TCHP: variants seen among roughly 807,000 people sequenced by gnomAD.
The protein encoded by TCHP is trichoplein keratin filament-binding protein.
Under a neutral mutation model 88.7 loss-of-function variants are expected in TCHP, and 81 were observed. The ratio of observed to expected loss-of-function variants is 0.91; its 90% CI spans 0.76 to 1.10. The LOEUF (loss-of-function observed/expected upper bound fraction) is 1.10. TCHP is among the 50% of genes least tolerant of loss of function. The pLI, the probability that TCHP is intolerant of heterozygous loss-of-function variation, is 0.00. For synonymous variants in TCHP, 232 were observed against 232.5 expected, an observed-to-expected ratio of 1.00 and a Z score of 0.02; for missense variants, 641 against 632.1, an observed-to-expected ratio of 1.01 and a Z score of -0.15.
the TCHP span, among the ~76,000 whole-genome samples, chr12:109,883,465 C>T: frequency 6.6e-6 from 1 of 152,154 alleles, no homozygotes; most frequent in African/African-American, 2.4e-5. Flanking sequence ...TACCCAGACC[C>T]TGACATGCTC....
At chr12:109,906,797 T>A (rs1202046792) in intron 5 of TCHP, among the ~76,000 whole-genome samples, 157 bp downstream of exon 5, 1 of 152,232 alleles carries the variant, frequency 6.6e-6, no homozygotes, top group Non-Finnish European at 1.5e-5. Context: ...ACTGAATGTT[T>A]GCTCTTACAT....
rs1565914828 is a variant in TCHP at position 109,915,531 on chromosome 12, G to T, written c.1449G>T (p.Gln483His). 6.2e-7 allele frequency: 1 copy of T among 1,613,632 alleles called. No individual in the cohort carries two copies. Among genetic ancestry groups the T allele is most frequent in the Admixed American group, 1.7e-5 (1 of 59,988 alleles). ...LQQEAETMAE[Q>H]GYRPKPYGHP... is the part of the protein sequence containing the mutation. Reference sequence around the variant, plus strand: ...AGGAGGCGGAGACTATGGCTGAGCAGGGCTACCGGCCTAAGGTAGGAAGTC... The same window carrying T: ...AGGAGGCGGAGACTATGGCTGAGCATGGCTACCGGCCTAAGGTAGGAAGTC... Residue 483 changes from glutamine to histidine, a missense_variant, in exon 12 of 13, where the codon CAG (glutamine) becomes CAT (histidine). Coordinates refer to ENST00000405876, the MANE Select transcript of TCHP (RefSeq NM_001143852.2).
chr12:109,914,641 C>T lies in TCHP; in HGVS notation c.1320+14C>T, dbSNP rs1870695064. 6.2e-7 allele frequency: 1 copy of T among 1,605,226 alleles called. No homozygotes were observed. Among genetic ancestry groups the T allele is most frequent in the Non-Finnish European group, 8.5e-7 (1 of 1,176,932 alleles). On this transcript the variant is annotated intron_variant, in intron 11 of 12. Transcript: ENST00000405876. ...CTGGAAGCCCAGGTAGGGCTGAGCC[C>T]AAGGGCGGGAGGCACCGGGCCTGCC...
upstream of TCHP, among the ~76,000 whole-genome samples, chr12:109,899,172 T>C (rs1157690440): frequency 6.6e-6 from 1 of 151,552 alleles, no homozygotes; most frequent in Non-Finnish European, 1.5e-5. Context: ...AATGGAGAAA[T>C]GAAGGGAAGA....
chr12:109,889,498 A>G, the TCHP span, among the ~76,000 whole-genome samples: 17 of 151,334 alleles, frequency 1.1e-4, no homozygotes, highest in Non-Finnish European at 2.1e-4. Flanking sequence ...AAGAAAATCT[A>G]TTCTTGCCTC....
chr12:109,905,039 G>C lies in TCHP; in HGVS notation c.456+246G>C. The C allele has an allele frequency of 2.0e-6, 1 of 511,412 alleles. No individual in the cohort carries two copies. Among genetic ancestry groups the C allele is most frequent in the South Asian group, 2.3e-5 (1 of 43,990 alleles). The allele number at this position is 511,412 out of a possible 1,614,324, so 31.7% of individuals were successfully genotyped here. On this transcript the variant is annotated intron_variant, in intron 4 of 12. Transcript: ENST00000405876. This position sits in a 1 kb window ranked among gnomAD's most constrained non-coding sequence, Gnocchi z 4.0. ...GGTGCGGGCATGGAGATTAGACATG[G>C]TTTCTGCTCATTAGCTTGTGTCCAG...
chr12:109,896,981 G>C (rs1869578159), upstream of TCHP, among the ~76,000 whole-genome samples: 1 of 152,026 alleles, frequency 6.6e-6, no homozygotes, highest in Non-Finnish European at 1.5e-5. Context: ...CACATACAAG[G>C]CATGGCATGG....
chr12:109,888,923 C>G, the TCHP span, among the ~76,000 whole-genome samples: 11 of 151,758 alleles, frequency 7.2e-5, no homozygotes, highest in Admixed American at 4.6e-4. Flanking sequence ...GAGCTGGGCA[C>G]GGTGGTACGT....
intron 1 of TCHP, among the ~76,000 whole-genome samples, chr12:109,901,675 G>A (rs1373104010): frequency 6.6e-6 from 1 of 152,168 alleles, no homozygotes; most frequent in Non-Finnish European, 1.5e-5. Context: ...TGGAACTGTT[G>A]TTTCTCTGTA....
chr12:109,889,025 G>A, the TCHP span, among the ~76,000 whole-genome samples: 104 of 142,556 alleles, frequency 7.3e-4, no homozygotes, highest in Admixed American at 1.7e-3. Flanking sequence ...GCAAGGTCCT[G>A]TCACCAAAAA....
chr12:109,913,615 T>C (rs928138222), intron 10 of TCHP, among the ~76,000 whole-genome samples: 1 of 152,202 alleles, frequency 6.6e-6, no homozygotes, highest in Admixed American at 6.5e-5. Flanking sequence ...AGGACATAAC[T>C]GCTTTCCTGG....
At chr12:109,915,219 T>C in intron 11 of TCHP, 184 bp from the exon 12 acceptor site, 1 of 755,756 alleles carries the variant, frequency 1.3e-6, no homozygotes, top group African/African-American at 1.7e-5. Flanking sequence ...TTCTATGAGG[T>C]ACACACCATG....
chr12:109,891,820 C>G, the TCHP span, among the ~76,000 whole-genome samples: 1 of 152,030 alleles, frequency 6.6e-6, no homozygotes, highest in Non-Finnish European at 1.5e-5. Context: ...AATGATTCTC[C>G]TGCCTCAGCC....
Position 109,914,569 on chromosome 12 carries a change from G to A in TCHP, c.1262G>A (p.Arg421His), listed in dbSNP as rs139095320. 2.5e-5 allele frequency: 41 copies of A among 1,613,726 alleles called. No homozygotes were observed. The highest frequency in any genetic ancestry group is 8.0e-5 in the African/African-American group (6 of 75,054). ...GAGGAGGTGAGAGAGTTGGCTCGTC[G>A]CGAGAAAGAGGAGAGTGAAAAGCTG... ...NLEEVRELAR[R>H]EKEESEKLKS... The change falls in exon 11 of 13, where the codon CGC (arginine) becomes CAC (histidine). Residue 421 changes from arginine (R) to histidine (H), a missense_variant. By Grantham distance (29) the Arg-to-His change is conservative. Transcript: ENST00000405876.
intron 7 of TCHP, 45 bp from the exon 8 acceptor site, chr12:109,908,826 T>C: frequency 6.2e-7 from 1 of 1,605,950 alleles, no homozygotes. Flanking sequence ...TCTATTTAAT[T>C]CTTTCTGAGA....
At chr12:109,900,791 C>T (rs1300474630) in intron 1 of TCHP, 1 of 152,244 alleles carries the variant, frequency 6.6e-6, no homozygotes, top group African/African-American at 2.4e-5. Context: ...CTGCCGGCTA[C>T]ATTTGGACCA....
Position 109,906,561 on chromosome 12 carries a change from T to A in TCHP, c.457-11T>A. The A allele has an allele frequency of 6.2e-7, 1 of 1,612,766 alleles. No homozygotes were observed. Among genetic ancestry groups the A allele is most frequent in the Non-Finnish European group, 8.5e-7 (1 of 1,179,510 alleles). On this transcript the variant is annotated splice_polypyrimidine_tract_variant and intron_variant, in intron 4 of 12. Transcript: ENST00000405876. The stretch of plus-strand genomic sequence containing the variant: ...GTGAGGAAATTCACATCGTCCCCCT[T>A]CCATCCTCAGATGGAGCTGGACCTT...
At chr12:109,896,596 G>C (rs1869563322), upstream of TCHP, among the ~76,000 whole-genome samples, 1 of 152,092 alleles carries the variant, frequency 6.6e-6, no homozygotes, top group African/African-American at 2.4e-5. Context: ...ACTCAAAATA[G>C]GGGATCCATT....
chr12:109,902,625 C>T (rs1869868963), intron 1 of TCHP, among the ~76,000 whole-genome samples: 1 of 152,178 alleles, frequency 6.6e-6, no homozygotes, highest in Non-Finnish European at 1.5e-5. Flanking sequence ...AGACGCCCAC[C>T]AGCACGCCTG....
Sources: gnomAD v4.1 joint callset for allele counts (sites outside exome capture counted in the v4.1 genomes callset) on GRCh38, gnomAD v4.1.1 for gene constraint, Gnocchi (gnomAD v3.1) non-coding constraint, MANE v1.5 for transcripts, NCBI Gene and HGNC (gene_info 2026-07-23, HGNC 2026-07-21) for gene names.